SPATS2L: variants seen among roughly 807,000 people sequenced by gnomAD.
SPATS2L encodes spermatogenesis associated serine rich 2 like.
SPATS2L carries 30 observed loss-of-function variants against 59.6 expected under a neutral mutation model. The observed-to-expected ratio is 0.50, with a 90% CI of 0.38 to 0.68. SPATS2L has a LOEUF of 0.68. Ranked by LOEUF, SPATS2L falls within the 30% of genes least tolerant of loss-of-function variation. The pLI, the probability that SPATS2L is intolerant of heterozygous loss-of-function variation, is 0.00. For missense variants in SPATS2L, 615 were observed against 700.0 expected (o/e 0.88, Z 1.37); for synonymous variants, 252 against 263.5 (o/e 0.96, Z 0.42).
At chr2:200,373,270 C>CAAAA (rs3856514) in intron 2 of SPATS2L, 30 of 105,968 alleles carry the variant, frequency 2.8e-4, no homozygotes, top group Middle Eastern at 5.7e-3. Flanking sequence ...ACTGCCTTAA[C>CAAAA]AAAAAAAAAA....
chr2:200,389,639 C>T (rs978626281), intron 3 of SPATS2L: 6 of 199,818 alleles, frequency 3.0e-5, no homozygotes, highest in Admixed American at 1.1e-4. Flanking sequence ...GTGTGCCATT[C>T]CACCGTTCAT....
intron 3 of SPATS2L, among the ~76,000 whole-genome samples, chr2:200,394,108 A>G (rs1268510400): frequency 6.6e-6 from 1 of 152,236 alleles, no homozygotes; most frequent in Non-Finnish European, 1.5e-5. Context: ...ATTTTAAAAT[A>G]TCTCTACCTT....
chr2:200,400,968 G>A (rs6725746), intron 3 of SPATS2L, among the ~76,000 whole-genome samples: 11,441 of 152,222 alleles, frequency 0.075, 589 homozygotes, highest in Non-Finnish European at 0.12. Context: ...ATTAAAAGAT[G>A]GAGCCTGCCT....
intron 3 of SPATS2L, among the ~76,000 whole-genome samples, chr2:200,395,928 T>G (rs1420350063): frequency 1.4e-5 from 2 of 146,142 alleles, no homozygotes; most frequent in Non-Finnish European, 3.0e-5. Context: ...GGAGAATCTC[T>G]TGAACCCAGG....
intron 2 of SPATS2L, among the ~76,000 whole-genome samples, chr2:200,371,213 A>T (rs571470325): frequency 1.3e-3 from 201 of 152,340 alleles, no homozygotes; most frequent in African/African-American, 4.7e-3. Context: ...TCAAGTTCTG[A>T]CAAGACAAAA....
At chr2:200,336,506 A>G (rs2105809017) in intron 2 of SPATS2L, among the ~76,000 whole-genome samples, 1 of 152,338 alleles carries the variant, frequency 6.6e-6, no homozygotes, top group Middle Eastern at 3.4e-3. Context: ...AAATGTGTGG[A>G]AAAGTCTGCA....
intron 3 of SPATS2L, among the ~76,000 whole-genome samples, chr2:200,403,907 G>A (rs992944830): frequency 1.3e-5 from 2 of 151,818 alleles, no homozygotes; most frequent in East Asian, 1.9e-4. Context: ...GCCCCAAAGC[G>A]AATTCTAAAA....
chr2:200,333,043 G>A (rs1254494016), intron 2 of SPATS2L, among the ~76,000 whole-genome samples: 1 of 152,206 alleles, frequency 6.6e-6, no homozygotes, highest in Admixed American at 6.5e-5. Flanking sequence ...CCCTTTGGGA[G>A]GCCAAGGCTG....
intron 12 of SPATS2L, among the ~76,000 whole-genome samples, chr2:200,473,890 CT>C (rs139064739): frequency 0.25 from 37,872 of 151,900 alleles, 5,360 homozygotes; most frequent in East Asian, 0.36. Context: ...ATCCCAGTTA[CT>C]CGGGAGGCTG....
chr2:200,318,553 T>C (rs2079455459), intron 1 of SPATS2L, among the ~76,000 whole-genome samples: 1 of 152,224 alleles, frequency 6.6e-6, no homozygotes, highest in South Asian at 2.1e-4. Flanking sequence ...TCGGTTGCAG[T>C]GGATGATATC....
chr2:200,441,076 A>T (rs2084665096), intron 8 of SPATS2L, among the ~76,000 whole-genome samples: 1 of 152,242 alleles, frequency 6.6e-6, no homozygotes, highest in African/African-American at 2.4e-5. Flanking sequence ...CTCAAAAAAT[A>T]GTATTTTTGA....
At chr2:200,378,516 T>C (rs2081679128) in intron 2 of SPATS2L, 1 of 431,184 alleles carries the variant, frequency 2.3e-6, no homozygotes. Flanking sequence ...CAAGTGCCAG[T>C]GCGTTTAAGG....
chr2:200,398,865 T>C (rs73986863), intron 3 of SPATS2L, among the ~76,000 whole-genome samples: 3,632 of 150,236 alleles, frequency 0.024, 143 homozygotes, highest in African/African-American at 0.083. Flanking sequence ...CCTCTCAGTA[T>C]GTCAGTTTCT....
intron 2 of SPATS2L, among the ~76,000 whole-genome samples, chr2:200,360,000 C>A (rs1164467762): frequency 6.6e-6 from 1 of 152,180 alleles, no homozygotes; most frequent in Admixed American, 6.5e-5. Flanking sequence ...ATATTAACAT[C>A]TTTTTCCATA....
At chr2:200,345,914 G>A (rs1405607469) in intron 2 of SPATS2L, among the ~76,000 whole-genome samples, 1 of 152,148 alleles carries the variant, frequency 6.6e-6, no homozygotes, top group African/African-American at 2.4e-5. Flanking sequence ...AGCAGTTGAA[G>A]CAAACTGTAA....
chr2:200,360,350 ATG>A (rs1173604476), intron 2 of SPATS2L, among the ~76,000 whole-genome samples: 1 of 152,210 alleles, frequency 6.6e-6, no homozygotes, highest in Non-Finnish European at 1.5e-5. Flanking sequence ...TCACTGGAAA[ATG>A]TGTCTTTAGA....
chr2:200,475,865 A>G (rs1574764540), intron 12 of SPATS2L, among the ~76,000 whole-genome samples: 2 of 152,222 alleles, frequency 1.3e-5, no homozygotes, highest in Non-Finnish European at 2.9e-5. Context: ...GTTTATGTTT[A>G]TGTTACAACT....
chr2:200,383,999 T>C (rs1276528636), intron 2 of SPATS2L: 2 of 1,002,242 alleles, frequency 2.0e-6, no homozygotes, highest in Non-Finnish European at 2.4e-6. Context: ...GACAAGCAAG[T>C]CAGAAAGCGA....
intron 3 of SPATS2L, among the ~76,000 whole-genome samples, chr2:200,391,203 C>T (rs945415653): frequency 7.9e-5 from 12 of 152,208 alleles, no homozygotes; most frequent in East Asian, 3.9e-4. Context: ...CAGCAGTACC[C>T]GTGACTTTCA....
Sources: gnomAD v4.1 joint callset for allele counts (sites outside exome capture counted in the v4.1 genomes callset) on GRCh38, gnomAD v4.1.1 for gene constraint, MANE v1.5 for transcripts, NCBI Gene and HGNC (gene_info 2026-07-23, HGNC 2026-07-21) for gene names.